The following IFIH1 variants were observed in gnomAD, a reference collection of about 807,000 sequenced individuals.
The protein encoded by IFIH1 is interferon-induced helicase C domain-containing protein 1.
In IFIH1, 125 loss-of-function variants were observed where a neutral mutation model predicts 107.4. That is an observed-to-expected ratio of 1.16 (90% CI 1.01 to 1.35). The LOEUF is 1.35. Ranked by LOEUF, IFIH1 falls within the 40% of genes most tolerant of loss-of-function variation. The probability of loss-of-function intolerance (pLI) is 0.00; values close to 1 mark genes in which losing one functional copy is unlikely to be tolerated. For synonymous variants in IFIH1, 458 were observed against 413.2 expected (o/e 1.11, Z -1.31); for missense variants, 1,333 against 1,213.7 (o/e 1.10, Z -1.46).
At chr2:162,277,321 A>T (rs1682709223) in intron 10 of IFIH1, 94 bp downstream of exon 10, 2 of 895,992 alleles carry the variant, frequency 2.2e-6, no homozygotes, top group Non-Finnish European at 3.4e-6. Context: ...TTCTTTCAAA[A>T]GATATTTCTC....
Position 162,282,586 on chromosome 2 carries a change from AT to A in IFIH1, c.1096-11del, listed in dbSNP as rs1403745390. The A allele has an allele frequency of 1.9e-6, 3 of 1,578,304 alleles. No individual in the cohort carries two copies. The highest frequency in any genetic ancestry group is 2.6e-6 in the Non-Finnish European group (3 of 1,156,964). Reference sequence around the variant, plus strand: ...GTTCAACTAGCAGTACCTTAAAAAAATGTGAAGATTTTTTAAAAGAGAGAAA... The same window carrying A: ...GTTCAACTAGCAGTACCTTAAAAAAAGTGAAGATTTTTTAAAAGAGAGAAA... On this transcript the variant is annotated splice_polypyrimidine_tract_variant and intron_variant, in intron 5 of 15. Transcript: ENST00000649979.
At chr2:162,286,790 T>C (rs189773895) in intron 5 of IFIH1, among the ~76,000 whole-genome samples, 16 of 152,034 alleles carry the variant, frequency 1.1e-4, no homozygotes, top group Non-Finnish European at 2.1e-4. Flanking sequence ...TTTCATGAGT[T>C]ATGAAGGTGA....
chr2:162,317,965 G>T lies in IFIH1; in HGVS notation c.343C>A (p.Leu115Ile). The T allele has an allele frequency of 6.2e-7, 1 of 1,614,190 alleles. No individual in the cohort carries two copies. The highest frequency in any genetic ancestry group is 8.5e-7 in the Non-Finnish European group (1 of 1,180,028). ...GGCTGAAGGAGGTTCAGCAGTTGGA[G>T]ATATTCATCATGAGCGTTCTCAAAC... is the stretch of plus-strand genomic sequence containing the variant. ...PSFENAHDEY[L>I]QLLNLLQPTL... The change falls in exon 1 of 16, where the codon CTC (leucine) becomes ATC (isoleucine). Residue 115 changes from leucine (L) to isoleucine (I), a missense_variant. Coordinates refer to ENST00000649979, the MANE Select transcript of IFIH1 (RefSeq NM_022168.4).
At chr2:162,286,043 T>C (rs1049647402) in intron 5 of IFIH1, among the ~76,000 whole-genome samples, 1 of 151,986 alleles carries the variant, frequency 6.6e-6, no homozygotes, top group African/African-American at 2.4e-5. Context: ...TGCACTGGTA[T>C]GATCTTATCT....
chr2:162,275,928 T>C (rs778143067), intron 11 of IFIH1, among the ~76,000 whole-genome samples: 23 of 152,174 alleles, frequency 1.5e-4, no homozygotes, highest in Non-Finnish European at 2.6e-4. Context: ...ATATATCAAA[T>C]TCTTTAGTTT....
At chr2:162,296,729 G>C (rs1170164412) in intron 3 of IFIH1, among the ~76,000 whole-genome samples, 1 of 152,116 alleles carries the variant, frequency 6.6e-6, no homozygotes, top group Admixed American at 6.6e-5. Context: ...AACTTAGAGA[G>C]ATGATTTTGC....
Position 162,281,299 on chromosome 2 carries a change from C to G in IFIH1, c.1524+29G>C, listed in dbSNP as rs755508522. The G allele has an allele frequency of 8.3e-6, 13 of 1,565,282 alleles. No homozygotes were observed. The South Asian group carries it at 1.3e-4, about 16-fold the overall frequency. On this transcript the variant is annotated intron_variant, in intron 7 of 15. Transcript: ENST00000649979. ...CTGGCATTTGTTTTAGCTTTGCTTT[C>G]ATTGGTTATACATAAAATTATGACT...
At chr2:162,281,956 T>A (rs1264100570) in intron 6 of IFIH1, among the ~76,000 whole-genome samples, 2 of 152,044 alleles carry the variant, frequency 1.3e-5, no homozygotes, top group East Asian at 3.9e-4. Context: ...AGAGGGAAAA[T>A]TTTGCCTTGT....
chr2:162,285,114 C>G (rs1024381186), intron 5 of IFIH1, among the ~76,000 whole-genome samples: 1 of 151,922 alleles, frequency 6.6e-6, no homozygotes. Context: ...GGAGCCTTTT[C>G]TTGAGATGTG....
At chr2:162,291,947 T>TA (rs1683003434) in intron 4 of IFIH1, among the ~76,000 whole-genome samples, 1 of 151,884 alleles carries the variant, frequency 6.6e-6, no homozygotes. Context: ...TGTCTTCAAA[T>TA]ATGTATTTGC....
At chr2:162,307,404 T>G (rs1683304230) in intron 2 of IFIH1, among the ~76,000 whole-genome samples, 1 of 152,238 alleles carries the variant, frequency 6.6e-6, no homozygotes, top group Non-Finnish European at 1.5e-5. Context: ...CACTGTGTGT[T>G]CTGCACGAGA....
chr2:162,268,072 T>A lies in IFIH1; in HGVS notation c.2807+15A>T. 6.4e-7 allele frequency: 1 copy of A among 1,554,382 alleles called. No individual in the cohort carries two copies. Among genetic ancestry groups the A allele is most frequent in the Non-Finnish European group, 8.7e-7 (1 of 1,149,836 alleles). ...CCTTGTGGAAAAATGTAAAAATGGGTCTTTCTGGACTCACTTGAATTCTGG... is the reference window on the plus strand; with the variant it reads ...CCTTGTGGAAAAATGTAAAAATGGGACTTTCTGGACTCACTTGAATTCTGG... On this transcript the variant is annotated intron_variant, in intron 14 of 15. Coordinates refer to ENST00000649979, the MANE Select transcript of IFIH1 (RefSeq NM_022168.4).
chr2:162,315,031 G>A (rs868467044), intron 1 of IFIH1, among the ~76,000 whole-genome samples: 1 of 152,092 alleles, frequency 6.6e-6, no homozygotes, highest in African/African-American at 2.4e-5. Flanking sequence ...TACGGGCAGG[G>A]GCTAGGAAAT....
At chr2:162,286,392 TA>T (rs1445799824) in intron 5 of IFIH1, among the ~76,000 whole-genome samples, 3 of 151,864 alleles carry the variant, frequency 2.0e-5, no homozygotes, top group Non-Finnish European at 4.4e-5. Flanking sequence ...GTCTTGTTAG[TA>T]GGGGGACCTC....
In IFIH1 at chr2:162,318,257, G is replaced by A. The variant is rs1347468876; in HGVS notation, c.51C>T (p.Cys17=). 6 of 1,614,160 alleles carry A rather than the reference G, an allele frequency of 3.7e-6. No homozygotes were observed. In the South Asian group the frequency reaches 6.6e-5, roughly 18 times the overall value. Residue 17 remains cysteine (C), a synonymous_variant, in exon 1 of 16, where the codon TGC becomes TGT. Coordinates refer to ENST00000649979, the MANE Select transcript of IFIH1 (RefSeq NM_022168.4). ...TGTACATTTTCACCCTGGCCCTGAA[G>A]CACGAGATGAGATAGCGGAAATTCT... ...TDENFRYLIS[C]FRARVKMYIQ... is the part of the protein sequence containing the mutation.
intron 3 of IFIH1, among the ~76,000 whole-genome samples, chr2:162,303,334 T>G (rs1305802636): frequency 6.6e-6 from 1 of 152,200 alleles, no homozygotes; most frequent in Non-Finnish European, 1.5e-5. Flanking sequence ...CAGGCTGGTC[T>G]TGAACTCCTG....
intron 10 of IFIH1, 32 bp downstream of exon 10, chr2:162,277,383 A>G (rs1043112422): frequency 6.8e-7 from 1 of 1,469,340 alleles, no homozygotes; most frequent in East Asian, 2.3e-5. Context: ...AGGTAAATGA[A>G]TGACACCAGT....
At chr2:162,276,576 G>A in intron 11 of IFIH1, 111 bp downstream of exon 11, 1 of 1,194,240 alleles carries the variant, frequency 8.4e-7, no homozygotes, top group Non-Finnish European at 1.2e-6. Flanking sequence ...CTGCTCTTCA[G>A]CCTGAGTGAC....
chr2:162,288,344 C>T lies in IFIH1; in HGVS notation c.886G>A (p.Val296Met), dbSNP rs758842138. 2.5e-6 allele frequency: 4 copies of T among 1,611,834 alleles called. No individual in the cohort carries two copies. The highest frequency in any genetic ancestry group is 3.3e-5 in the Admixed American group (2 of 59,820). ...TMGSDSDEEN[V>M]AARASPEPEL... ...GGCTCCGGGGATGCTCTTGCTGCCACATTCTCTTCATCTGAAGAAGGTTGA... is the reference window on the plus strand; with the variant it reads ...GGCTCCGGGGATGCTCTTGCTGCCATATTCTCTTCATCTGAAGAAGGTTGA... Residue 296 changes from valine (V) to methionine (M), a missense_variant, in exon 5 of 16, where the codon GTG becomes ATG. Physicochemically the swap from Val to Met is conservative, Grantham distance 21. Coordinates refer to ENST00000649979, the MANE Select transcript of IFIH1 (RefSeq NM_022168.4).
Sources: gnomAD v4.1 joint callset for allele counts (sites outside exome capture counted in the v4.1 genomes callset) on GRCh38, gnomAD v4.1.1 for gene constraint, MANE v1.5 for transcripts, NCBI Gene and HGNC (gene_info 2026-07-23, HGNC 2026-07-21) for gene names.